PSME3IP1: variants seen among roughly 807,000 people sequenced by gnomAD.
The protein encoded by PSME3IP1 is proteasome activator subunit 3 interacting protein 1, also known as PSME3-interacting protein.
In PSME3IP1, 13 loss-of-function variants were observed where a neutral mutation model predicts 34.1. The observed-to-expected ratio is 0.38, with a 90% CI of 0.25 to 0.61. PSME3IP1 has a LOEUF of 0.61. Among genes scored for constraint, PSME3IP1 ranks in the 20% least tolerant of loss-of-function variants. The pLI, the probability that PSME3IP1 is intolerant of heterozygous loss-of-function variation, is 0.60. For synonymous variants in PSME3IP1, 93 were observed against 114.3 expected (o/e 0.81, Z 1.19); for missense variants, 237 against 301.4 (o/e 0.79, Z 1.58).
intron 1 of PSME3IP1, chr16:57,178,991 G>A (rs1360765483): frequency 1.2e-5 from 2 of 172,526 alleles, no homozygotes; most frequent in Admixed American, 6.5e-5. Context: ...TTTCCCTTTT[G>A]TTTGCTAGGG....
At position 57,152,589 on chromosome 16, in the gene PSME3IP1, T is replaced by C. The variant is rs1487322046; in HGVS notation, c.*1701A>G. The stretch of plus-strand genomic sequence containing the variant: ...TACAGTAATGGCCTCTTAAGAGTCA[T>C]GCCACATAAAGATGATGACTTTGAT... On this transcript the variant is annotated 3_prime_UTR_variant, in exon 7 of 7. Coordinates refer to ENST00000309137, the MANE Select transcript of PSME3IP1 (RefSeq NM_024946.4). 1 of 152,658 alleles carries C rather than the reference T, an allele frequency of 6.6e-6. No homozygotes were observed. 9.5% of individuals were successfully genotyped at this position (152,658 alleles called of 1,614,324 possible).
chr16:57,168,960 GA>G (rs539761780), intron 4 of PSME3IP1, among the ~76,000 whole-genome samples: 1 of 149,338 alleles, frequency 6.7e-6, no homozygotes, highest in South Asian at 2.1e-4. Context: ...AACAAAAATG[GA>G]AAAAAAACAC....
chr16:57,172,920 T>TCC, intron 2 of PSME3IP1, 46 bp from the exon 3 acceptor site: 1 of 1,159,124 alleles, frequency 8.6e-7, no homozygotes, highest in Non-Finnish European at 1.3e-6. Context: ...GGAGGAGATA[T>TCC]ACACTTCAGA....
intron 1 of PSME3IP1, among the ~76,000 whole-genome samples, chr16:57,176,794 C>T (rs573969992): frequency 4.4e-4 from 67 of 152,164 alleles, no homozygotes; most frequent in African/African-American, 1.6e-3. Flanking sequence ...GAAATAAATA[C>T]TAGGATACGG....
At chr16:57,165,806 C>A (rs1485917313) in intron 5 of PSME3IP1, among the ~76,000 whole-genome samples, 3 of 152,066 alleles carry the variant, frequency 2.0e-5, no homozygotes, top group African/African-American at 7.2e-5. Context: ...ATGCAGGTCA[C>A]CAAATACGCT....
chr16:57,156,023 G>A (rs925186862), intron 6 of PSME3IP1, among the ~76,000 whole-genome samples: 4 of 150,972 alleles, frequency 2.6e-5, no homozygotes, highest in African/African-American at 9.7e-5. Context: ...GAAGGAGGAG[G>A]AAGAAAAGAA....
rs566301619 is a variant in PSME3IP1, at chr16:57,162,253, A to G, written c.547+1748T>C. Among the ~76,000 whole-genome samples, 62 of 152,352 alleles carry G rather than the reference A, an allele frequency of 4.1e-4. 1 individual carries two copies. The highest frequency in any genetic ancestry group is 1.1e-3 in the Admixed American group (17 of 15,302). On this transcript the variant is annotated intron_variant, in intron 6 of 6. Transcript: ENST00000309137. The stretch of plus-strand genomic sequence containing the variant: ...AATTGTTAAAACAAAGAAACAAAAT[A>G]AGAACTTGTATTTGCTAGAGACATA...
rs2071363584 is a variant in PSME3IP1, at chr16:57,162,439, TG to T, written c.547+1561del. On this transcript the variant is annotated intron_variant, in intron 6 of 6. Coordinates refer to ENST00000309137, the MANE Select transcript of PSME3IP1 (RefSeq NM_024946.4). ...CAGCACTTTGGGAGGCCGAGGCAGG[TG>T]GATCACTTGAGGCTAGGAGTTCGAG... Among the ~76,000 whole-genome samples, 9 of 149,690 alleles carry T rather than the reference TG, an allele frequency of 6.0e-5. No homozygotes were observed. In the South Asian group the frequency reaches 1.9e-3, roughly 32 times the overall value.
intron 6 of PSME3IP1, among the ~76,000 whole-genome samples, chr16:57,155,098 G>A (rs1200196040): frequency 6.6e-6 from 1 of 152,240 alleles, no homozygotes; most frequent in Non-Finnish European, 1.5e-5. Context: ...CCAGAATAAC[G>A]TTCTTTATTA....
intron 6 of PSME3IP1, among the ~76,000 whole-genome samples, chr16:57,158,315 T>C (rs1205985851): frequency 2.0e-5 from 3 of 152,218 alleles, no homozygotes; most frequent in African/African-American, 7.2e-5. Context: ...CAGCCAGGCG[T>C]GGTGGCTCAC....
intron 6 of PSME3IP1, among the ~76,000 whole-genome samples, chr16:57,162,894 G>C (rs1269942545): frequency 2.6e-5 from 4 of 152,180 alleles, no homozygotes; most frequent in Admixed American, 2.0e-4. Context: ...GCTGGGCTTG[G>C]TGGCTCACTC....
At chr16:57,185,470 G>A (rs184215178) in intron 1 of PSME3IP1, 3 of 972,928 alleles carry the variant, frequency 3.1e-6, no homozygotes, top group African/African-American at 1.8e-5. Flanking sequence ...CCGCACATCC[G>A]AGTGAGTAAC....
intron 2 of PSME3IP1, 65 bp downstream of exon 2, chr16:57,173,663 T>C: frequency 6.3e-7 from 1 of 1,577,770 alleles, no homozygotes; most frequent in Non-Finnish European, 8.7e-7. Flanking sequence ...GTGAGGACAA[T>C]TAATACCTAC....
chr16:57,178,249 C>T lies in PSME3IP1; in HGVS notation c.-15-4380G>A, dbSNP rs571302756. On this transcript the variant is annotated intron_variant, in intron 1 of 6. Coordinates refer to ENST00000309137, the MANE Select transcript of PSME3IP1 (RefSeq NM_024946.4). ...GGAATGCCCTTGCTTTCTTTTCACC[C>T]GATGCAAACTGCTGCTCCAACCGCC... Among the ~76,000 whole-genome samples the T allele has an allele frequency of 3.5e-4, 53 of 152,278 alleles. 1 individual carries two copies. The South Asian group carries it at 8.5e-3, about 24-fold the overall frequency.
At chr16:57,166,211 T>C (rs749714150) in intron 5 of PSME3IP1, among the ~76,000 whole-genome samples, 7 of 152,258 alleles carry the variant, frequency 4.6e-5, no homozygotes, top group African/African-American at 1.7e-4. Flanking sequence ...ATATATCATA[T>C]TGATTTTCCT....
intron 6 of PSME3IP1, among the ~76,000 whole-genome samples, chr16:57,158,375 G>C (rs2070813630): frequency 6.6e-6 from 1 of 151,626 alleles, no homozygotes; most frequent in Non-Finnish European, 1.5e-5. Context: ...ACCACCTGAA[G>C]TCAGGGGTTC....
rs1481251612 is a variant in PSME3IP1 at position 57,152,844 on chromosome 16, G to C, written c.*1446C>G. On this transcript the variant is annotated 3_prime_UTR_variant, in exon 7 of 7. Coordinates refer to ENST00000309137, the MANE Select transcript of PSME3IP1 (RefSeq NM_024946.4). ...CACAAAGCATCAGTTATGGGTGCAG[G>C]GAAGTCGCCATCTGCCAATGGGCAC... The C allele has an allele frequency of 6.6e-6, 1 of 152,600 alleles. No homozygotes were observed. Among genetic ancestry groups the C allele is most frequent in the African/African-American group, 2.4e-5 (1 of 41,456 alleles). The allele number at this position is 152,600 out of a possible 1,614,324, so 9.5% of individuals were successfully genotyped here.
chr16:57,157,826 A>C (rs1442780765), intron 6 of PSME3IP1, among the ~76,000 whole-genome samples: 2 of 152,202 alleles, frequency 1.3e-5, no homozygotes, highest in Non-Finnish European at 2.9e-5. Flanking sequence ...CAATTTTTTA[A>C]AAAAGCAAAT....
At chr16:57,176,424 G>A (rs756052965) in intron 1 of PSME3IP1, among the ~76,000 whole-genome samples, 55 of 152,078 alleles carry the variant, frequency 3.6e-4, no homozygotes, top group Non-Finnish European at 6.8e-4. Context: ...ACACACCCAG[G>A]AGAAGGTCAT....
Sources: gnomAD v4.1 joint callset for allele counts (sites outside exome capture counted in the v4.1 genomes callset) on GRCh38, gnomAD v4.1.1 for gene constraint, MANE v1.5 for transcripts, NCBI Gene and HGNC (gene_info 2026-07-23, HGNC 2026-07-21) for gene names.